Variants in ZNF516 observed in about 807,000 individuals in gnomAD.
ZNF516 encodes the protein zinc finger protein 516.
In ZNF516, 19 loss-of-function variants were observed where a neutral mutation model predicts 79.7. The ratio of observed to expected loss-of-function variants is 0.24; its 90% confidence interval spans 0.17 to 0.35. The LOEUF (loss-of-function observed/expected upper bound fraction) is 0.35, where lower values mean the gene tolerates loss of function less well. ZNF516 is among the 10% of genes least tolerant of loss of function. The pLI, the probability that ZNF516 is intolerant of heterozygous loss-of-function variation, is 1.00. For missense variants in ZNF516, 1,678 were observed against 1,679.5 expected, an observed-to-expected ratio of 1.00 and a Z score of 0.02; for synonymous variants, 877 against 739.5, an observed-to-expected ratio of 1.19 and a Z score of -3.02.
intron 1 of ZNF516, among the ~76,000 whole-genome samples, chr18:76,481,962 C>A (rs1914547567): frequency 6.6e-6 from 1 of 152,144 alleles, no homozygotes; most frequent in Non-Finnish European, 1.5e-5. Flanking sequence ...AAAGTAGCTA[C>A]AAGGAACTAC....
intron 3 of ZNF516, among the ~76,000 whole-genome samples, chr18:76,415,996 G>A (rs1044568644): frequency 9.2e-5 from 14 of 152,174 alleles, no homozygotes; most frequent in Non-Finnish European, 1.8e-4. Flanking sequence ...AGCTGGAAAT[G>A]AAGTTCATTA....
Position 76,441,630 on chromosome 18 carries a change from C to G in ZNF516, c.1425G>C (p.Gly475=). ...KREQDAPAAQ[G]PPRKRASGPG... ...GCCCGCTCGCGCGCTTCCGCGGGGG[C>G]CCCTGCGCGGCTGGTGCATCCTGCT... The change falls in exon 3 of 7, where the codon GGG becomes GGC. Residue 475 remains glycine (G), a synonymous_variant. Coordinates refer to ENST00000443185, the MANE Select transcript of ZNF516 (RefSeq NM_014643.4). The G allele has an allele frequency of 6.6e-7, 1 of 1,522,348 alleles. No homozygotes were observed. The highest frequency in any genetic ancestry group is 2.5e-5 in the East Asian group (1 of 39,404). The allele number at this position is 1,522,348 out of a possible 1,614,324, so 94.3% of individuals were successfully genotyped here.
At chr18:76,422,077 C>A (rs547653677) in intron 3 of ZNF516, among the ~76,000 whole-genome samples, 14 of 152,318 alleles carry the variant, frequency 9.2e-5, no homozygotes, top group South Asian at 2.1e-4. Flanking sequence ...AGGTAAATCC[C>A]AGAAAAATTC....
rs1025870713 is a variant in ZNF516 at position 76,442,716 on chromosome 18, G to A, written c.339C>T (p.Ala113=). ...AGGCGCTCTTGGTGGGGCTGGCGCA[G>A]GCGTCCAGGCCCTCGGAGGCGCGCA... is the stretch of plus-strand genomic sequence containing the variant. ...GEMRASEGLD[A]CASPTKSASA... Residue 113 remains alanine (A), a synonymous_variant, in exon 3 of 7, where the codon GCC becomes GCT. Coordinates refer to ENST00000443185, the MANE Select transcript of ZNF516 (RefSeq NM_014643.4). 14 of 1,581,048 alleles carry A rather than the reference G, an allele frequency of 8.9e-6. No homozygotes were observed. The highest frequency in any genetic ancestry group is 1.3e-5 in the African/African-American group (1 of 74,166).
chr18:76,459,943 C>A lies in ZNF516; in HGVS notation c.-158+3085G>T, dbSNP rs545059778. ...CATCGGGCAGGTCTGTCTCACCAGT[C>A]CCAAATAATGAATCATGTCCACTGC... On this transcript the variant is annotated intron_variant, in intron 2 of 6. Transcript: ENST00000443185. This position sits in a 1 kb window ranked among gnomAD's most constrained non-coding sequence, Gnocchi z 5.0. Among the ~76,000 whole-genome samples, 12 of 152,204 alleles carry A rather than the reference C, an allele frequency of 7.9e-5. No individual in the cohort carries two copies. Among genetic ancestry groups the A allele is most frequent in the Non-Finnish European group, 1.5e-4 (10 of 68,040 alleles).
rs9946709 is a variant in ZNF516, at chr18:76,473,523, T to G, written c.-271-10382A>C. ...AGGCAATTAAACAAAAGTAGTTGGC[T>G]GGGTGCGGTGGCTCACGCCTGTAAT... On this transcript the variant is annotated intron_variant, in intron 1 of 6. Coordinates refer to ENST00000443185, the MANE Select transcript of ZNF516 (RefSeq NM_014643.4). Among the ~76,000 whole-genome samples, 5 of 152,166 alleles carry G rather than the reference T, an allele frequency of 3.3e-5. No homozygotes were observed. In the East Asian group the frequency reaches 9.6e-4, roughly 29 times the overall value.
upstream of ZNF516, chr18:76,495,671 C>A (rs772574233): frequency 1.7e-6 from 2 of 1,176,140 alleles, no homozygotes; most frequent in African/African-American, 1.7e-5. Flanking sequence ...GCCGTTTCCG[C>A]GCGCACACGC....
At position 76,442,669 on chromosome 18, in the gene ZNF516, T is replaced by C. The variant is rs1195103584; in HGVS notation, c.386A>G (p.Asn129Ser). ...GGCGCCGTCGGCCTGCGAGGCCCCG[T>C]TCAGCAGCCGGTTGCAGGCCGAGGC... is the stretch of plus-strand genomic sequence containing the variant. The part of the protein sequence containing the change: ...KSASACNRLL[N>S]GASQADGARV... The change falls in exon 3 of 7, where the codon AAC (asparagine) becomes AGC (serine). Residue 129 changes from asparagine to serine, a missense_variant. Asn to Ser is a conservative substitution (Grantham distance 46). Transcript: ENST00000443185. The C allele has an allele frequency of 5.0e-6, 8 of 1,584,960 alleles. No homozygotes were observed. Among genetic ancestry groups the C allele is most frequent in the Admixed American group, 1.8e-5 (1 of 57,128 alleles).
rs765438860 is a variant in ZNF516 at position 76,442,367 on chromosome 18, C to T, written c.688G>A (p.Gly230Ser). Residue 230 changes from glycine (G) to serine (S), a missense_variant, in exon 3 of 7, where the codon GGC (glycine) becomes AGC (serine). By Grantham distance (56) the Gly-to-Ser change is moderately conservative. Transcript: ENST00000443185. Reference sequence around the variant, plus strand: ...TTCTCCACGCAGGCCTCGCCGCTGCCGGGCCCCTGCGCGGTGATGTGGTCC... The same window carrying T: ...TTCTCCACGCAGGCCTCGCCGCTGCTGGGCCCCTGCGCGGTGATGTGGTCC... ...ERDHITAQGP[G>S]SGEACVENGK... is the part of the protein sequence containing the mutation. 2 of 1,608,994 alleles carry T rather than the reference C, an allele frequency of 1.2e-6. No individual in the cohort carries two copies. The highest frequency in any genetic ancestry group is 2.2e-5 in the East Asian group (1 of 44,818).
chr18:76,396,642 G>A (rs900502862), intron 3 of ZNF516, among the ~76,000 whole-genome samples: 5 of 152,076 alleles, frequency 3.3e-5, no homozygotes, highest in African/African-American at 4.8e-5. Flanking sequence ...ATCACAATTT[G>A]AATTTCTAAG....
In ZNF516 at chr18:76,379,901, C is replaced by T. The variant is rs1033724094; in HGVS notation, c.2213G>A (p.Arg738Lys). 8 of 1,613,874 alleles carry T rather than the reference C, an allele frequency of 5.0e-6. No individual in the cohort carries two copies. Among genetic ancestry groups the T allele is most frequent in the Non-Finnish European group, 6.8e-6 (8 of 1,179,906 alleles). Residue 738 changes from arginine to lysine, a missense_variant, in exon 4 of 7, where the codon AGG becomes AAG. Coordinates refer to ENST00000443185, the MANE Select transcript of ZNF516 (RefSeq NM_014643.4). ...ATTGCTGGGGTCATCCCGCGTCGAC[C>T]TCGCACTTAAATCTAGCGGCATGAG... Reference protein sequence around the residue: ...PDLMPLDLSARSTRDDPSNKE... With the variant: ...PDLMPLDLSAKSTRDDPSNKE...
intron 6 of ZNF516, among the ~76,000 whole-genome samples, 176 bp downstream of exon 6, chr18:76,370,352 G>C (rs766890470): frequency 1.3e-5 from 2 of 152,178 alleles, no homozygotes; most frequent in Non-Finnish European, 2.9e-5. Flanking sequence ...ACCTCTGTGC[G>C]GGTACTGCCC....
intron 1 of ZNF516, among the ~76,000 whole-genome samples, chr18:76,464,387 G>A (rs1165893449): frequency 6.6e-6 from 1 of 152,096 alleles, no homozygotes; most frequent in Non-Finnish European, 1.5e-5. Flanking sequence ...CAGAAAGTGG[G>A]ACTCACACAT....
chr18:76,444,148 G>A (rs991186196), intron 2 of ZNF516, among the ~76,000 whole-genome samples: 1 of 152,208 alleles, frequency 6.6e-6, no homozygotes. Context: ...CCTGACACAG[G>A]GTAAGTAAGG....
At chr18:76,396,716 G>A (rs1326091674) in intron 3 of ZNF516, among the ~76,000 whole-genome samples, 3 of 152,166 alleles carry the variant, frequency 2.0e-5, no homozygotes, top group Admixed American at 1.3e-4. Context: ...AACAGCCCCT[G>A]GAAAGATATT....
chr18:76,411,936 T>C (rs557111204), intron 3 of ZNF516, among the ~76,000 whole-genome samples: 3 of 152,240 alleles, frequency 2.0e-5, no homozygotes, highest in Non-Finnish European at 4.4e-5. Context: ...ACATAGGTCA[T>C]CTTAACCTTA....
chr18:76,370,735 G>A lies in ZNF516; in HGVS notation c.3365-140C>T, dbSNP rs117901314. ...TGTGGCTGGAAAATACCAATTTACC[G>A]TAACACTTACAGTAAGAGACTGTGA... On this transcript the variant is annotated intron_variant, in intron 5 of 6. Coordinates refer to ENST00000443185, the MANE Select transcript of ZNF516 (RefSeq NM_014643.4). 3,756 of 658,724 alleles carry A rather than the reference G, an allele frequency of 5.7e-3. 20 individuals are homozygous for A. The highest frequency in any genetic ancestry group is 0.014 in the Middle Eastern group (34 of 2,358). 40.8% of individuals were successfully genotyped at this position (658,724 alleles called of 1,614,324 possible). A position where few individuals can be genotyped will look rare whatever the true frequency, so the allele number is the denominator to read the frequency against.
chr18:76,373,736 C>T (rs1266194073), intron 4 of ZNF516, among the ~76,000 whole-genome samples: 1 of 152,236 alleles, frequency 6.6e-6, no homozygotes, highest in Non-Finnish European at 1.5e-5. Flanking sequence ...CACACGCAGG[C>T]GTACACGCTC....
intron 1 of ZNF516, among the ~76,000 whole-genome samples, chr18:76,487,780 G>C (rs547112283): frequency 6.6e-6 from 1 of 152,224 alleles, no homozygotes; most frequent in East Asian, 1.9e-4. Context: ...TGGTTCCTGG[G>C]ACCAGAGAAA....
Sources: gnomAD v4.1 joint callset for allele counts (sites outside exome capture counted in the v4.1 genomes callset) on GRCh38, gnomAD v4.1.1 for gene constraint, Gnocchi (gnomAD v3.1) non-coding constraint, MANE v1.5 for transcripts, NCBI Gene and HGNC (gene_info 2026-07-23, HGNC 2026-07-21) for gene names.